Variants in RP1 observed in about 807,000 individuals in gnomAD.
The protein encoded by RP1 is RP1 axonemal microtubule associated, also known as oxygen-regulated protein 1.
RP1 carries 16 observed loss-of-function variants against 14.8 expected under a neutral mutation model. That is an observed-to-expected ratio of 1.08 (90% confidence interval 0.73 to 1.65). RP1 has a LOEUF of 1.65. RP1 is among the 40% of genes most tolerant of loss of function. RP1 has a pLI of 0.00. For missense variants in RP1, 2,631 were observed against 2,535.0 expected (o/e 1.04, Z -0.81); for synonymous variants, 876 against 883.6 (o/e 0.99, Z 0.15).
chr8:54,787,579 T>C (rs921642280), intron 24 of RP1, among the ~76,000 whole-genome samples: 1 of 152,214 alleles, frequency 6.6e-6, no homozygotes, highest in East Asian at 1.9e-4. Flanking sequence ...GTTCGGCTTT[T>C]TATTGCATTT....
At chr8:54,707,358 A>G (rs1052648060) in intron 15 of RP1, among the ~76,000 whole-genome samples, 1 of 152,244 alleles carries the variant, frequency 6.6e-6, no homozygotes, top group Admixed American at 6.5e-5. Context: ...GTCTAGGCTC[A>G]AGAGATCCAC....
intron 7 of RP1, among the ~76,000 whole-genome samples, chr8:54,670,495 G>GTA (rs1426740228): frequency 4.7e-5 from 5 of 107,166 alleles, no homozygotes; most frequent in East Asian, 2.4e-4. Flanking sequence ...ATGTAAGTAT[G>GTA]TATATATATA....
chr8:54,759,290 C>A (rs1486741732), intron 22 of RP1, among the ~76,000 whole-genome samples: 2 of 151,908 alleles, frequency 1.3e-5, no homozygotes, highest in Non-Finnish European at 2.9e-5. Context: ...CTTATAATTT[C>A]TTATTACCAC....
At chr8:54,663,810 T>C (rs1806950876) in exon 7 of RP1, 1 of 1,532,366 alleles carries the variant, frequency 6.5e-7, no homozygotes, top group Non-Finnish European at 8.7e-7. Flanking sequence ...TCCAGACAAC[T>C]ATTTAGATCG....
At chr8:54,736,323 C>G (rs182809988) in intron 18 of RP1, among the ~76,000 whole-genome samples, 3 of 152,136 alleles carry the variant, frequency 2.0e-5, no homozygotes, top group African/African-American at 7.2e-5. Flanking sequence ...TATTGACATA[C>G]GGTAAAACTC....
intron 22 of RP1, among the ~76,000 whole-genome samples, chr8:54,761,484 G>C (rs147308979): frequency 6.6e-6 from 1 of 151,914 alleles, no homozygotes; most frequent in Admixed American, 6.6e-5. Flanking sequence ...CAATCCGCTC[G>C]CCTTAACCTC....
chr8:54,659,171 G>A (rs1816113383), intron 6 of RP1, among the ~76,000 whole-genome samples: 1 of 152,074 alleles, frequency 6.6e-6, no homozygotes, highest in Non-Finnish European at 1.5e-5. Context: ...AACTCCATAA[G>A]TTGCTTGTTT....
At chr8:54,707,711 C>T (rs1159045755) in intron 15 of RP1, among the ~76,000 whole-genome samples, 1 of 152,200 alleles carries the variant, frequency 6.6e-6, no homozygotes. Flanking sequence ...AGGACTTTGA[C>T]CTTTCATGGT....
chr8:54,643,441 G>C (rs944312394), intron 3 of RP1, among the ~76,000 whole-genome samples: 5 of 152,090 alleles, frequency 3.3e-5, no homozygotes, highest in Admixed American at 2.0e-4. Flanking sequence ...CAGTTCTTCT[G>C]TGGAATCATA....
intron 1 of RP1, among the ~76,000 whole-genome samples, chr8:54,600,038 C>G (rs1250982127): frequency 6.6e-6 from 1 of 152,070 alleles, no homozygotes; most frequent in Non-Finnish European, 1.5e-5. Flanking sequence ...GGACTTCAGG[C>G]TTTGATATGG....
chr8:54,565,142 CAGAG>C (rs951677933), intron 1 of RP1, among the ~76,000 whole-genome samples: 1 of 152,144 alleles, frequency 6.6e-6, no homozygotes, highest in African/African-American at 2.4e-5. Flanking sequence ...GCAGCAGAGA[CAGAG>C]AGTTTCTGTG....
chr8:54,565,517 A>G (rs1479420874), intron 1 of RP1, among the ~76,000 whole-genome samples: 1 of 152,012 alleles, frequency 6.6e-6, no homozygotes, highest in Non-Finnish European at 1.5e-5. Context: ...AAAACCAAAA[A>G]CCTTAGCTGG....
downstream of RP1, among the ~76,000 whole-genome samples, chr8:54,632,030 C>T (rs917412877): frequency 5.9e-5 from 9 of 151,816 alleles, no homozygotes; most frequent in African/African-American, 1.2e-4. Context: ...TTAGTAGAGA[C>T]GGGGTTTCTC....
At position 54,630,439 on chromosome 8, in the gene RP1, C is replaced by CT; in HGVS notation, c.*87dup. The stretch of plus-strand genomic sequence containing the variant: ...GTGACGAATACGGACTAGATAACCT[C>CT]TAAGAATTTTCCACTTCTTCAAAAT... On this transcript the variant is annotated 3_prime_UTR_variant, in exon 4 of 4. Coordinates refer to ENST00000220676, the MANE Select transcript of RP1 (RefSeq NM_006269.2). The CT allele has an allele frequency of 6.4e-7, 1 of 1,559,742 alleles. No individual in the cohort carries two copies.
At chr8:54,581,275 G>C (rs1473298627) in intron 1 of RP1, among the ~76,000 whole-genome samples, 1 of 151,922 alleles carries the variant, frequency 6.6e-6, no homozygotes, top group Non-Finnish European at 1.5e-5. Flanking sequence ...CTGCCCTTGC[G>C]ATAGTTTGCT....
intron 20 of RP1, chr8:54,755,070 CT>C: frequency 1.1e-6 from 1 of 935,850 alleles, no homozygotes; most frequent in Non-Finnish European, 1.4e-6. Context: ...TGAGAAGTGA[CT>C]TTTTTAATGT....
chr8:54,736,378 C>A (rs1463957716), intron 18 of RP1, among the ~76,000 whole-genome samples: 5 of 152,148 alleles, frequency 3.3e-5, no homozygotes, highest in African/African-American at 1.2e-4. Flanking sequence ...AGACCAGGTT[C>A]AAATCACCCT....
chr8:54,797,828 T>C (rs2129387617), intron 24 of RP1, among the ~76,000 whole-genome samples: 1 of 152,084 alleles, frequency 6.6e-6, no homozygotes, highest in Admixed American at 6.5e-5. Flanking sequence ...GTTCCTATAT[T>C]TTTTCTGATG....
downstream of RP1, among the ~76,000 whole-genome samples, chr8:54,635,050 C>T (rs1355433051): frequency 6.6e-6 from 1 of 150,868 alleles, no homozygotes; most frequent in African/African-American, 2.4e-5. Flanking sequence ...CCACTGCACT[C>T]CAGCCTGGGC....
Sources: gnomAD v4.1 joint callset for allele counts (sites outside exome capture counted in the v4.1 genomes callset) on GRCh38, gnomAD v4.1.1 for gene constraint, MANE v1.5 for transcripts, NCBI Gene and HGNC (gene_info 2026-07-23, HGNC 2026-07-21) for gene names.